The following SHROOM3 variants were observed in gnomAD, a reference collection of about 807,000 sequenced individuals.
SHROOM3 encodes shroom family member 3.
SHROOM3 carries 47 observed loss-of-function variants against 138.6 expected under a neutral mutation model. That is an observed-to-expected ratio of 0.34 (90% CI 0.27 to 0.43). The LOEUF is 0.43. SHROOM3 is among the 20% of genes least tolerant of loss of function. The pLI, the probability that SHROOM3 is intolerant of heterozygous loss-of-function variation, is 1.00. For missense variants in SHROOM3, 2,491 were observed against 2,596.5 expected (o/e 0.96, Z 0.88); for synonymous variants, 1,062 against 1,063.3 (o/e 1.00, Z 0.02).
chr4:76,524,087 G>C (rs976760874), intron 1 of SHROOM3, among the ~76,000 whole-genome samples: 1 of 152,234 alleles, frequency 6.6e-6, no homozygotes, highest in African/African-American at 2.4e-5. Flanking sequence ...AGGCAAAGAA[G>C]AGTAGAAAGA....
At chr4:76,438,003 T>C (rs1246856193) in intron 1 of SHROOM3, among the ~76,000 whole-genome samples, 1 of 152,148 alleles carries the variant, frequency 6.6e-6, no homozygotes, top group Non-Finnish European at 1.5e-5. Context: ...TCTACTTTAA[T>C]GGGTTGTGTT....
chr4:76,665,670 C>G (rs1276782071), intron 2 of SHROOM3, among the ~76,000 whole-genome samples: 2 of 152,166 alleles, frequency 1.3e-5, no homozygotes, highest in East Asian at 3.9e-4. Flanking sequence ...CTCTCATGAT[C>G]CCAATAGAAT....
In SHROOM3 at chr4:76,707,940, C is replaced by T. The variant is rs75452314; in HGVS notation, c.324-2216C>T. ...GTTTGTGTGGTGCATCCAGACAGCT[C>T]ACCCAGGTGCCCAGGCTCTTTCTGG... On this transcript the variant is annotated intron_variant, in intron 2 of 10. Transcript: ENST00000296043. Among the ~76,000 whole-genome samples the T allele has an allele frequency of 3.4e-3, 513 of 152,256 alleles. 4 individuals carry two copies. Among genetic ancestry groups the T allele is most frequent in the African/African-American group, 0.011 (473 of 41,528 alleles).
At chr4:76,717,830 G>A (rs1720420017) in intron 3 of SHROOM3, among the ~76,000 whole-genome samples, 1 of 152,150 alleles carries the variant, frequency 6.6e-6, no homozygotes, top group Non-Finnish European at 1.5e-5. Flanking sequence ...TATATGAAAA[G>A]AAGTATTGAT....
intron 2 of SHROOM3, among the ~76,000 whole-genome samples, chr4:76,641,262 C>T (rs1364312772): frequency 1.3e-5 from 2 of 152,134 alleles, no homozygotes; most frequent in Non-Finnish European, 1.5e-5. Context: ...AGGAAGGATG[C>T]CTTGATGAAT....
chr4:76,673,717 C>T lies in SHROOM3; in HGVS notation c.324-36439C>T, dbSNP rs536198134. On this transcript the variant is annotated intron_variant, in intron 2 of 10. Coordinates refer to ENST00000296043, the MANE Select transcript of SHROOM3 (RefSeq NM_020859.4). Reference sequence around the variant, plus strand: ...AAAATACATAACATAAAATTTACCACCTTCACCACTTATAAGCGTGCAATT... The same window carrying T: ...AAAATACATAACATAAAATTTACCATCTTCACCACTTATAAGCGTGCAATT... 2.0e-5 allele frequency among the ~76,000 whole-genome samples: 3 copies of T among 152,262 alleles called. No individual in the cohort carries two copies. In the South Asian group the frequency reaches 6.2e-4, roughly 32 times the overall value.
chr4:76,650,685 C>T (rs964770713), intron 2 of SHROOM3, among the ~76,000 whole-genome samples: 1 of 152,070 alleles, frequency 6.6e-6, no homozygotes, highest in Admixed American at 6.6e-5. Context: ...GCTGGGATTA[C>T]AGGCGTATGC....
intron 2 of SHROOM3, among the ~76,000 whole-genome samples, chr4:76,584,351 T>C (rs1734108920): frequency 6.6e-6 from 1 of 151,986 alleles, no homozygotes; most frequent in Admixed American, 6.5e-5. Flanking sequence ...CATAGATTTC[T>C]TTTACTGTAA....
At chr4:76,531,414 C>G (rs2110015763) in intron 1 of SHROOM3, among the ~76,000 whole-genome samples, 1 of 152,286 alleles carries the variant, frequency 6.6e-6, no homozygotes, top group South Asian at 2.1e-4. Flanking sequence ...TGGTGACTTT[C>G]TTAACCCTGG....
intron 2 of SHROOM3, among the ~76,000 whole-genome samples, chr4:76,669,302 T>C: frequency 6.6e-6 from 1 of 152,024 alleles, no homozygotes; most frequent in East Asian, 1.9e-4. Flanking sequence ...TAAGTAGGGA[T>C]AAATTACTCT....
chr4:76,436,340 T>A (rs2109960961), intron 1 of SHROOM3, 120 bp downstream of exon 1: 1 of 1,057,318 alleles, frequency 9.5e-7, no homozygotes, highest in Admixed American at 2.1e-5. Flanking sequence ...GTTTCATGCC[T>A]TTCTGATTAT....
At chr4:76,456,160 C>T (rs774178973) in intron 1 of SHROOM3, among the ~76,000 whole-genome samples, 1 of 152,110 alleles carries the variant, frequency 6.6e-6, no homozygotes, top group Non-Finnish European at 1.5e-5. Flanking sequence ...GCATGTGTCA[C>T]CACTCCTGGC....
intron 1 of SHROOM3, among the ~76,000 whole-genome samples, chr4:76,497,329 CTT>C (rs1195442972): frequency 6.6e-6 from 1 of 152,192 alleles, no homozygotes; most frequent in Non-Finnish European, 1.5e-5. Flanking sequence ...TCAGTAATCT[CTT>C]TCTAAGTAAA....
intron 1 of SHROOM3, among the ~76,000 whole-genome samples, chr4:76,486,792 T>C (rs527436885): frequency 6.6e-6 from 1 of 152,288 alleles, no homozygotes; most frequent in South Asian, 2.1e-4. Context: ...TTTCCAGAAG[T>C]ATCCCTTGTG....
intron 2 of SHROOM3, among the ~76,000 whole-genome samples, chr4:76,683,701 G>A (rs1719261260): frequency 6.6e-6 from 1 of 152,152 alleles, no homozygotes; most frequent in Non-Finnish European, 1.5e-5. Flanking sequence ...GAAAGGAATA[G>A]AAAAGGGTAG....
intron 2 of SHROOM3, among the ~76,000 whole-genome samples, chr4:76,620,131 AT>A (rs1199659489): frequency 6.6e-6 from 1 of 151,672 alleles, no homozygotes; most frequent in Non-Finnish European, 1.5e-5. Context: ...TTGATCACTA[AT>A]TTTTTGTGAG....
At chr4:76,720,151 GTTTTTTTTTTTTTTT>G (rs59839066) in intron 3 of SHROOM3, among the ~76,000 whole-genome samples, 1 of 82,998 alleles carries the variant, frequency 1.2e-5, no homozygotes, top group Non-Finnish European at 2.2e-5. Context: ...TGTTTTTTAG[GTTTTTTTTTTTTTTT>G]TTTTTTTTTT....
At chr4:76,608,880 G>T (rs2110060008) in intron 2 of SHROOM3, among the ~76,000 whole-genome samples, 1 of 152,294 alleles carries the variant, frequency 6.6e-6, no homozygotes, top group South Asian at 2.1e-4. Flanking sequence ...TGAGACTTGG[G>T]TGAGTTAATA....
intron 1 of SHROOM3, among the ~76,000 whole-genome samples, chr4:76,510,767 G>T (rs542801725): frequency 8.8e-4 from 134 of 152,310 alleles, no homozygotes; most frequent in Non-Finnish European, 1.5e-3. Context: ...GACCAGAGAG[G>T]TAGTGTGGCA....
Sources: gnomAD v4.1 joint callset for allele counts (sites outside exome capture counted in the v4.1 genomes callset) on GRCh38, gnomAD v4.1.1 for gene constraint, MANE v1.5 for transcripts, NCBI Gene and HGNC (gene_info 2026-07-23, HGNC 2026-07-21) for gene names.